SPATA13: variants seen among roughly 807,000 people sequenced by gnomAD.
The protein encoded by SPATA13 is spermatogenesis associated 13.
SPATA13 carries 50 observed loss-of-function variants against 104.0 expected under a neutral mutation model. The observed-to-expected ratio is 0.48, with a 90% confidence interval of 0.38 to 0.61. The LOEUF is 0.61. Among genes scored for constraint, SPATA13 ranks in the 20% least tolerant of loss-of-function variants. The pLI is 0.00. For synonymous variants in SPATA13, 606 were observed against 667.5 expected, an observed-to-expected ratio of 0.91 and a Z score of 1.42; for missense variants, 1,524 against 1,690.6, an observed-to-expected ratio of 0.90 and a Z score of 1.73.
chr13:24,180,849 C>T (rs536711882), intron 1 of SPATA13, among the ~76,000 whole-genome samples: 4 of 152,112 alleles, frequency 2.6e-5, no homozygotes, highest in South Asian at 2.1e-4. Flanking sequence ...GACAGGGATA[C>T]GTTCTGATAA....
intron 3 of SPATA13, among the ~76,000 whole-genome samples, chr13:24,115,550 A>G (rs1473788649): frequency 1.3e-5 from 2 of 152,268 alleles, no homozygotes; most frequent in African/African-American, 4.8e-5. Context: ...GAGGTGGAAC[A>G]GTTTCATCCC....
intron 3 of SPATA13, among the ~76,000 whole-genome samples, chr13:24,050,303 C>G (rs540141562): frequency 6.6e-6 from 1 of 152,322 alleles, no homozygotes; most frequent in Non-Finnish European, 1.5e-5. Flanking sequence ...AGACTAAAAT[C>G]TTTAATGCAC....
intron 4 of SPATA13, among the ~76,000 whole-genome samples, chr13:24,280,173 G>A (rs1304016779): frequency 1.3e-5 from 2 of 152,112 alleles, no homozygotes; most frequent in Non-Finnish European, 2.9e-5. Flanking sequence ...CACGACCCCG[G>A]GTAGAGCTGT....
chr13:24,063,449 T>A (rs1177398095), intron 3 of SPATA13, among the ~76,000 whole-genome samples: 3 of 152,170 alleles, frequency 2.0e-5, no homozygotes, highest in African/African-American at 7.2e-5. Flanking sequence ...TAAGCGCCTC[T>A]GGACTCTGAC....
At chr13:24,274,739 A>G (rs535259071) in intron 4 of SPATA13, among the ~76,000 whole-genome samples, 16 of 152,372 alleles carry the variant, frequency 1.1e-4, no homozygotes, top group African/African-American at 2.9e-4. Context: ...GGTTTTCTCA[A>G]ATACATGATT....
intron 12 of SPATA13, 54 bp from the exon 13 acceptor site, chr13:24,302,544 T>C: frequency 1.5e-6 from 2 of 1,324,602 alleles, no homozygotes; most frequent in East Asian, 2.5e-5. Context: ...TTTTCCTTTC[T>C]GGTTAACAAG....
intron 8 of SPATA13, among the ~76,000 whole-genome samples, chr13:24,290,274 A>G (rs1876243791): frequency 6.6e-6 from 1 of 152,214 alleles, no homozygotes; most frequent in Non-Finnish European, 1.5e-5. Flanking sequence ...AGAATAAGCA[A>G]CGATTAAAAC....
chr13:24,005,340 T>C (rs918824463), intron 2 of SPATA13, among the ~76,000 whole-genome samples: 1 of 152,152 alleles, frequency 6.6e-6, no homozygotes, highest in East Asian at 1.9e-4. Flanking sequence ...GAGGCGAGAA[T>C]TGGAGATCTT....
chr13:24,287,039 C>T, intron 7 of SPATA13, 89 bp downstream of exon 7: 2 of 1,144,850 alleles, frequency 1.7e-6, no homozygotes, highest in Admixed American at 2.2e-5. Context: ...ACCCCCCGCC[C>T]CCCCATCAGG....
chr13:24,174,902 C>G (rs776473685), intron 1 of SPATA13, among the ~76,000 whole-genome samples: 1 of 152,180 alleles, frequency 6.6e-6, no homozygotes, highest in Non-Finnish European at 1.5e-5. Flanking sequence ...TTAGAGTTCC[C>G]CCTTGACTTG....
At chr13:24,251,645 C>G in intron 3 of SPATA13, 73 bp from the exon 4 acceptor site, 7 of 1,577,300 alleles carry the variant, frequency 4.4e-6, no homozygotes, top group Non-Finnish European at 6.0e-6. Flanking sequence ...GGTGAGAGCG[C>G]TATGCGTGTG....
At chr13:24,156,310 C>G (rs144049762), upstream of SPATA13, among the ~76,000 whole-genome samples, 1 of 152,300 alleles carries the variant, frequency 6.6e-6, no homozygotes, top group Non-Finnish European at 1.5e-5. Context: ...TTATTCTCCT[C>G]TTTTGCCTGT....
chr13:24,179,762 T>A (rs2138521436), intron 1 of SPATA13, among the ~76,000 whole-genome samples: 1 of 152,342 alleles, frequency 6.6e-6, no homozygotes, highest in East Asian at 1.9e-4. Flanking sequence ...CTCTGATGCA[T>A]GATGATGTTG....
intron 1 of SPATA13, among the ~76,000 whole-genome samples, chr13:24,219,175 A>C (rs1297036513): frequency 1.3e-5 from 2 of 152,164 alleles, no homozygotes; most frequent in African/African-American, 4.8e-5. Flanking sequence ...CACTAATTGA[A>C]TTGCAACCCT....
intron 1 of SPATA13, among the ~76,000 whole-genome samples, chr13:24,193,314 T>G (rs112851672): frequency 0.011 from 1,701 of 149,524 alleles, 43 homozygotes; most frequent in African/African-American, 0.04. Context: ...TAGGTGAGGG[T>G]GGGGGAGAGA....
At chr13:24,012,857 G>A (rs565052965) in intron 2 of SPATA13, among the ~76,000 whole-genome samples, 1 of 152,314 alleles carries the variant, frequency 6.6e-6, no homozygotes, top group South Asian at 2.1e-4. Flanking sequence ...TCTGCAGGTC[G>A]GGGCTTTCAC....
chr13:24,085,600 A>G (rs1879693225), intron 3 of SPATA13, among the ~76,000 whole-genome samples: 1 of 152,188 alleles, frequency 6.6e-6, no homozygotes, highest in Non-Finnish European at 1.5e-5. Flanking sequence ...TTCTGCCACC[A>G]CGTGCCTTCT....
At chr13:24,250,418 G>A (rs546400945) in intron 3 of SPATA13, among the ~76,000 whole-genome samples, 1 of 152,232 alleles carries the variant, frequency 6.6e-6, no homozygotes, top group African/African-American at 2.4e-5. Flanking sequence ...TATCCAGTGA[G>A]CACTTTGAAA....
intron 4 of SPATA13, chr13:24,278,466 A>C (rs1875181811): frequency 2.6e-6 from 1 of 389,772 alleles, no homozygotes; most frequent in African/African-American, 2.1e-5. Context: ...ATTTATAGAG[A>C]TGGGTCTTAT....
Sources: gnomAD v4.1 joint callset for allele counts (sites outside exome capture counted in the v4.1 genomes callset) on GRCh38, gnomAD v4.1.1 for gene constraint, MANE v1.5 for transcripts, NCBI Gene and HGNC (gene_info 2026-07-23, HGNC 2026-07-21) for gene names.